Variants in ARHGAP22 observed in about 807,000 individuals in gnomAD.
ARHGAP22 encodes the protein rho GTPase-activating protein 22.
In ARHGAP22, 48 loss-of-function variants were observed where a neutral mutation model predicts 59.1. The observed-to-expected ratio is 0.81, with a 90% CI of 0.64 to 1.03. The LOEUF is 1.03. ARHGAP22 is among the 50% of genes least tolerant of loss of function. The probability of loss-of-function intolerance (pLI) is 0.00; values close to 1 mark genes in which losing one functional copy is unlikely to be tolerated. For synonymous variants in ARHGAP22, 445 were observed against 416.4 expected (o/e 1.07, Z -0.84); for missense variants, 1,015 against 958.7 (o/e 1.06, Z -0.78).
At chr10:48,438,919 C>T in the ARHGAP22 span, 11 of 152,188 alleles carry the variant, frequency 7.2e-5, no homozygotes, top group Non-Finnish European at 1.0e-4. Context: ...AAAAATTTTA[C>T]GAAGAAATAA....
At chr10:48,497,461 A>C (rs1246675328) in intron 3 of ARHGAP22, among the ~76,000 whole-genome samples, 1 of 152,182 alleles carries the variant, frequency 6.6e-6, no homozygotes, top group Non-Finnish European at 1.5e-5. Flanking sequence ...ATGCAGAGAG[A>C]AAAGGAGATG....
intron 3 of ARHGAP22, among the ~76,000 whole-genome samples, chr10:48,484,218 G>A (rs2049625709): frequency 6.6e-6 from 1 of 152,216 alleles, no homozygotes; most frequent in African/African-American, 2.4e-5. Flanking sequence ...GGGAATGGAT[G>A]TTAGATTTTG....
At chr10:48,499,270 A>G (rs977727973) in intron 3 of ARHGAP22, among the ~76,000 whole-genome samples, 3 of 152,212 alleles carry the variant, frequency 2.0e-5, no homozygotes, top group Non-Finnish European at 4.4e-5. Flanking sequence ...GATGGTACAG[A>G]TGGCGTGAGA....
intron 3 of ARHGAP22, among the ~76,000 whole-genome samples, chr10:48,536,654 T>C (rs1171289242): frequency 6.6e-6 from 1 of 152,212 alleles, no homozygotes; most frequent in Non-Finnish European, 1.5e-5. Context: ...AGAGGGGTCA[T>C]GAAATCAATT....
upstream of ARHGAP22, among the ~76,000 whole-genome samples, chr10:48,609,003 G>A (rs1233874922): frequency 1.3e-5 from 2 of 152,138 alleles, no homozygotes; most frequent in East Asian, 3.8e-4. Flanking sequence ...CAACTCTAAT[G>A]TTCAATGACA....
chr10:48,636,308 C>G (rs2061815541), intron 1 of ARHGAP22, among the ~76,000 whole-genome samples: 1 of 152,232 alleles, frequency 6.6e-6, no homozygotes, highest in South Asian at 2.1e-4. Flanking sequence ...TCCAGCCCAG[C>G]CCTGCATCCA....
chr10:48,450,833 G>C lies in ARHGAP22; in HGVS notation c.1296C>G (p.Phe432Leu), dbSNP rs142359268. 2.8e-5 allele frequency: 45 copies of C among 1,588,812 alleles called. No individual in the cohort carries two copies. Among genetic ancestry groups the C allele is most frequent in the Non-Finnish European group, 3.5e-5 (41 of 1,168,386 alleles). The change falls in exon 9 of 10, where the codon TTC (phenylalanine) becomes TTG (leucine). Residue 432 changes from phenylalanine to leucine, a missense_variant. Physicochemically the swap from Phe to Leu is conservative, Grantham distance 22. Coordinates refer to ENST00000249601, the MANE Select transcript of ARHGAP22 (RefSeq NM_021226.4). Reference protein sequence around the residue: ...VQTLPSWKSSFRQPRSLSGSP... With the variant: ...VQTLPSWKSSLRQPRSLSGSP... ...TTCCCGATAGGGACCTCGGCTGCCG[G>C]AAGGAGGACTTCCAACTGGGCAGGG...
intron 3 of ARHGAP22, among the ~76,000 whole-genome samples, chr10:48,538,334 T>G (rs560954295): frequency 6.6e-6 from 1 of 152,284 alleles, no homozygotes; most frequent in African/African-American, 2.4e-5. Flanking sequence ...CCGCTCTAAT[T>G]CAGGATTACC....
At chr10:48,601,358 A>G (rs975707235) in intron 1 of ARHGAP22, among the ~76,000 whole-genome samples, 2 of 152,226 alleles carry the variant, frequency 1.3e-5, no homozygotes, top group African/African-American at 4.8e-5. Context: ...CTTTTCAAGT[A>G]GTCCTGCAGC....
intron 2 of ARHGAP22, among the ~76,000 whole-genome samples, chr10:48,572,435 C>T (rs1403232172): frequency 6.6e-6 from 1 of 152,196 alleles, no homozygotes; most frequent in Non-Finnish European, 1.5e-5. Flanking sequence ...AGACCACCAA[C>T]AATAGGCTGG....
At chr10:48,576,544 C>T (rs2058721879) in intron 2 of ARHGAP22, among the ~76,000 whole-genome samples, 2 of 152,204 alleles carry the variant, frequency 1.3e-5, no homozygotes, top group African/African-American at 4.8e-5. Context: ...ACATCCCTGC[C>T]CCATGGCTCT....
At chr10:48,481,202 G>A (rs1242767615) in intron 3 of ARHGAP22, among the ~76,000 whole-genome samples, 1 of 152,246 alleles carries the variant, frequency 6.6e-6, no homozygotes, top group Non-Finnish European at 1.5e-5. Context: ...CGGTTGGCTG[G>A]TGTGGTCACT....
chr10:48,570,725 C>T (rs2058344414), intron 2 of ARHGAP22, among the ~76,000 whole-genome samples: 1 of 152,182 alleles, frequency 6.6e-6, no homozygotes, highest in African/African-American at 2.4e-5. Context: ...GGCAAATTCA[C>T]CAAGAGCAAT....
chr10:48,615,954 G>GAA (rs58490945), intron 1 of ARHGAP22, among the ~76,000 whole-genome samples: 1 of 125,850 alleles, frequency 7.9e-6, no homozygotes, highest in Non-Finnish European at 1.7e-5. Context: ...CTGAGGAACA[G>GAA]AAAAAAAAAA....
rs185256173 is a variant in ARHGAP22, at chr10:48,634,843, G to A, written c.52+17391C>T. Reference sequence around the variant, plus strand: ...TGATTAAGTTAAAATGAGGTCATTAGGGTGGGCCCTAGTCCAATATGACTA... The same window carrying A: ...TGATTAAGTTAAAATGAGGTCATTAAGGTGGGCCCTAGTCCAATATGACTA... On this transcript the variant is annotated intron_variant, in intron 1 of 9. Coordinates refer to the ARHGAP22 transcript ENST00000435790. Among the ~76,000 whole-genome samples the A allele has an allele frequency of 1.4e-3, 213 of 152,284 alleles. 1 individual carries two copies. Among genetic ancestry groups the A allele is most frequent in the African/African-American group, 4.8e-3 (198 of 41,548 alleles).
At chr10:48,613,239 C>A (rs1275303418) in intron 1 of ARHGAP22, among the ~76,000 whole-genome samples, 1 of 152,118 alleles carries the variant, frequency 6.6e-6, no homozygotes, top group Non-Finnish European at 1.5e-5. Context: ...CATGATATGG[C>A]CTCAGTAACC....
chr10:48,461,628 AAAG>A (rs1279839813), intron 4 of ARHGAP22, among the ~76,000 whole-genome samples: 3 of 152,338 alleles, frequency 2.0e-5, no homozygotes, highest in Non-Finnish European at 2.9e-5. Context: ...CAGCCCAGGC[AAAG>A]AAGGGAAGGA....
chr10:48,583,554 T>C (rs1394321620), intron 1 of ARHGAP22, among the ~76,000 whole-genome samples: 3 of 152,268 alleles, frequency 2.0e-5, no homozygotes, highest in East Asian at 3.8e-4. Context: ...CAGCCATTGC[T>C]TATTGATTTC....
At chr10:48,538,918 C>T (rs1446518445) in intron 3 of ARHGAP22, among the ~76,000 whole-genome samples, 1 of 151,998 alleles carries the variant, frequency 6.6e-6, no homozygotes, top group African/African-American at 2.4e-5. Flanking sequence ...AACTAAAGCT[C>T]ATGATCAAAT....
Sources: gnomAD v4.1 joint callset for allele counts (sites outside exome capture counted in the v4.1 genomes callset) on GRCh38, gnomAD v4.1.1 for gene constraint, MANE v1.5 for transcripts, NCBI Gene and HGNC (gene_info 2026-07-23, HGNC 2026-07-21) for gene names.